Variants in CAMKMT observed in about 807,000 individuals in gnomAD.
CAMKMT encodes the protein calmodulin-lysine N-methyltransferase.
Under a neutral mutation model 48.0 loss-of-function variants are expected in CAMKMT, and 53 were observed. That is an observed-to-expected ratio of 1.10 (90% confidence interval 0.89 to 1.39). The LOEUF (loss-of-function observed/expected upper bound fraction) is 1.39, where lower values mean the gene tolerates loss of function less well. Ranked by LOEUF, CAMKMT falls within the 40% of genes most tolerant of loss-of-function variation. The probability of loss-of-function intolerance (pLI) is 0.00; values close to 1 mark genes in which losing one functional copy is unlikely to be tolerated. For synonymous variants in CAMKMT, 165 were observed against 152.3 expected (o/e 1.08, Z -0.61); for missense variants, 428 against 402.7 (o/e 1.06, Z -0.54).
intron 3 of CAMKMT, among the ~76,000 whole-genome samples, chr2:44,414,124 T>C (rs1270514449): frequency 1.3e-5 from 2 of 152,168 alleles, no homozygotes; most frequent in Non-Finnish European, 2.9e-5. Context: ...GCAACTCTAT[T>C]GTAGAGTAGT....
chr2:44,514,603 C>G (rs1647705699), intron 3 of CAMKMT, among the ~76,000 whole-genome samples: 1 of 152,094 alleles, frequency 6.6e-6, no homozygotes, highest in Non-Finnish European at 1.5e-5. Flanking sequence ...ACAAGAAAGG[C>G]CAAGGAAGAA....
intron 1 of CAMKMT, among the ~76,000 whole-genome samples, chr2:44,362,877 A>G (rs1407966089): frequency 1.3e-5 from 2 of 152,160 alleles, no homozygotes; most frequent in Non-Finnish European, 2.9e-5. Flanking sequence ...ATGATCACTC[A>G]CATTCTTCGC....
At chr2:44,498,879 T>C (rs1669879474) in intron 3 of CAMKMT, among the ~76,000 whole-genome samples, 1 of 152,188 alleles carries the variant, frequency 6.6e-6, no homozygotes, top group South Asian at 2.1e-4. Flanking sequence ...CAAATTATCC[T>C]GAGCACTTTC....
At chr2:44,402,740 G>GTT in intron 3 of CAMKMT, among the ~76,000 whole-genome samples, 52,735 of 93,424 alleles carry the variant, frequency 0.56, 14,334 homozygotes, top group South Asian at 0.69. Flanking sequence ...TTGTTTTGCT[G>GTT]TTTTTTTTTT....
At chr2:44,452,949 C>G (rs987913700) in intron 3 of CAMKMT, among the ~76,000 whole-genome samples, 4 of 152,006 alleles carry the variant, frequency 2.6e-5, no homozygotes, top group Non-Finnish European at 5.9e-5. Context: ...TAGTTGTTCA[C>G]AATATCCCAT....
chr2:44,664,321 G>A (rs145231135), intron 3 of CAMKMT, among the ~76,000 whole-genome samples: 1 of 152,326 alleles, frequency 6.6e-6, no homozygotes, highest in African/African-American at 2.4e-5. Flanking sequence ...TAGCAAAGAT[G>A]TAGCATCTAA....
intron 3 of CAMKMT, among the ~76,000 whole-genome samples, chr2:44,442,489 A>C (rs1219243910): frequency 3.3e-5 from 5 of 152,154 alleles, no homozygotes; most frequent in Non-Finnish European, 7.3e-5. Flanking sequence ...CTTGAAACCT[A>C]TGGTTTCTAG....
Position 44,707,468 on chromosome 2 carries a change from C to T in CAMKMT, c.556+6C>T, listed in dbSNP as rs762384041. The T allele has an allele frequency of 4.3e-6, 7 of 1,610,458 alleles. No homozygotes were observed. In the East Asian group the frequency reaches 1.3e-4, roughly 31 times the overall value. On this transcript the variant is annotated splice_donor_region_variant and intron_variant, in intron 6 of 10. Transcript: ENST00000378494. ...GAATGAAAAGGCCATCAGAAGTATC[C>T]TTATTCAGATAGAAAACGGGTTTGT...
chr2:44,687,745 T>C (rs954716250), intron 3 of CAMKMT, among the ~76,000 whole-genome samples: 1 of 152,280 alleles, frequency 6.6e-6, no homozygotes, highest in African/African-American at 2.4e-5. Context: ...TTACAGATGC[T>C]GTGGATGGAT....
intron 10 of CAMKMT, among the ~76,000 whole-genome samples, 160 bp downstream of exon 10, chr2:44,766,721 C>T (rs1166732137): frequency 6.6e-6 from 1 of 152,034 alleles, no homozygotes; most frequent in African/African-American, 2.4e-5. Flanking sequence ...GTGGTAAAGC[C>T]ATCTTTTATC....
intron 3 of CAMKMT, among the ~76,000 whole-genome samples, chr2:44,562,133 C>T (rs1668356193): frequency 6.6e-6 from 1 of 152,138 alleles, no homozygotes; most frequent in African/African-American, 2.4e-5. Flanking sequence ...TAACTTGCCA[C>T]CCAGCTGCTG....
At chr2:44,403,488 G>A (rs1682570566) in intron 3 of CAMKMT, among the ~76,000 whole-genome samples, 1 of 152,156 alleles carries the variant, frequency 6.6e-6, no homozygotes, top group Admixed American at 6.5e-5. Context: ...ATTCTTCTGT[G>A]TTTAGTCCAT....
intron 1 of CAMKMT, among the ~76,000 whole-genome samples, chr2:44,363,402 GT>G (rs902239736): frequency 1.1e-4 from 17 of 151,802 alleles, no homozygotes; most frequent in African/African-American, 4.1e-4. Flanking sequence ...TTGAAATGGA[GT>G]TTCCCTCTTG....
intron 3 of CAMKMT, among the ~76,000 whole-genome samples, chr2:44,527,445 A>T (rs1666207070): frequency 7.3e-6 from 1 of 137,560 alleles, no homozygotes; most frequent in Non-Finnish European, 1.5e-5. Flanking sequence ...TTTTTTTGGT[A>T]GAGATGAGGT....
chr2:44,721,169 A>G (rs343938), intron 7 of CAMKMT, among the ~76,000 whole-genome samples: 28,117 of 152,060 alleles, frequency 0.18, 2,886 homozygotes, highest in African/African-American at 0.28. Context: ...GGATAAAAAT[A>G]TCCACCATGA....
intron 3 of CAMKMT, among the ~76,000 whole-genome samples, chr2:44,544,703 G>A (rs1029427956): frequency 2.6e-5 from 4 of 152,194 alleles, no homozygotes; most frequent in East Asian, 1.9e-4. Flanking sequence ...CAAGTAATCT[G>A]TAGCACCTGT....
At chr2:44,546,241 A>G (rs28639877) in intron 3 of CAMKMT, among the ~76,000 whole-genome samples, 3 of 151,048 alleles carry the variant, frequency 2.0e-5, no homozygotes, top group African/African-American at 4.9e-5. Flanking sequence ...CCAATTTCAC[A>G]TCTAAGTTCT....
At chr2:44,636,606 T>C (rs1446141154) in intron 3 of CAMKMT, among the ~76,000 whole-genome samples, 1 of 152,230 alleles carries the variant, frequency 6.6e-6, no homozygotes, top group Non-Finnish European at 1.5e-5. Flanking sequence ...TTATATTACT[T>C]ATTTCTGAAC....
intron 3 of CAMKMT, among the ~76,000 whole-genome samples, chr2:44,611,936 C>T (rs1001663418): frequency 4.6e-5 from 7 of 152,026 alleles, no homozygotes; most frequent in African/African-American, 7.2e-5. Flanking sequence ...AGATGGTCCA[C>T]GCCATTTGTG....
Sources: allele counts gnomAD v4.1 joint callset (sites outside exome capture counted in the v4.1 genomes callset), GRCh38; gene constraint gnomAD v4.1.1; transcripts MANE v1.5; gene names NCBI Gene and HGNC (gene_info 2026-07-23, HGNC 2026-07-21).